MAN2A1: variants seen among roughly 807,000 people sequenced by gnomAD.
The protein encoded by MAN2A1 is mannosidase alpha class 2A member 1.
A neutral mutation model predicts 142.6 loss-of-function variants in MAN2A1; 76 were observed. That is an observed-to-expected ratio of 0.53 (90% CI 0.44 to 0.65). MAN2A1 has a LOEUF of 0.65. Ranked by LOEUF, MAN2A1 falls within the 30% of genes least tolerant of loss-of-function variation. The pLI is 0.00. For missense variants in MAN2A1, 1,311 were observed against 1,365.1 expected, an observed-to-expected ratio of 0.96 and a Z score of 0.62; for synonymous variants, 559 against 473.2, an observed-to-expected ratio of 1.18 and a Z score of -2.35.
chr5:109,738,350 G>C (rs1465859352), intron 4 of MAN2A1, among the ~76,000 whole-genome samples: 1 of 151,506 alleles, frequency 6.6e-6, no homozygotes, highest in Non-Finnish European at 1.5e-5. Flanking sequence ...CTGCAAGGTG[G>C]GCACTCCTAG....
At position 109,817,385 on chromosome 5, in the gene MAN2A1, C is replaced by T; in HGVS notation, c.2056C>T (p.Gln686Ter). ...FSASGKPVEV[Q>*]VSAVWDTANT... ...TGCTTCAGGAAAACCTGTGGAAGTTCAAGTCAGCGCAGTTTGGGATACAGC... is the reference window on the plus strand; with the variant it reads ...TGCTTCAGGAAAACCTGTGGAAGTTTAAGTCAGCGCAGTTTGGGATACAGC... Residue 686 changes from glutamine (Q) to a stop codon, truncating the protein, a stop_gained, in exon 13 of 22, where the codon CAA becomes TAA. Transcript: ENST00000261483. LOFTEE classifies it high-confidence loss of function. 6.2e-7 allele frequency: 1 copy of T among 1,614,040 alleles called. No individual in the cohort carries two copies. The highest frequency in any genetic ancestry group is 8.5e-7 in the Non-Finnish European group (1 of 1,179,992).
At chr5:109,844,875 C>G (rs1489139977) in intron 17 of MAN2A1, among the ~76,000 whole-genome samples, 1 of 152,192 alleles carries the variant, frequency 6.6e-6, no homozygotes, top group East Asian at 1.9e-4. Flanking sequence ...TCATCTATTT[C>G]TGCAGAGGCT....
chr5:109,833,334 G>A (rs1479708309), intron 16 of MAN2A1, among the ~76,000 whole-genome samples: 2 of 152,140 alleles, frequency 1.3e-5, no homozygotes, highest in Non-Finnish European at 2.9e-5. Flanking sequence ...GGAGGTGGAG[G>A]TTGTAGCGAG....
At chr5:109,757,860 G>A (rs1194087270) in intron 5 of MAN2A1, among the ~76,000 whole-genome samples, 2 of 152,088 alleles carry the variant, frequency 1.3e-5, no homozygotes, top group South Asian at 4.1e-4. Flanking sequence ...ATGTATTATA[G>A]CATATATCAG....
intron 19 of MAN2A1, among the ~76,000 whole-genome samples, chr5:109,852,045 A>C (rs1294454815): frequency 1.3e-5 from 2 of 151,868 alleles, no homozygotes; most frequent in Admixed American, 1.3e-4. Context: ...AGGGTGACAC[A>C]GATTTCCAGT....
intron 12 of MAN2A1, among the ~76,000 whole-genome samples, chr5:109,813,759 T>A (rs1412655987): frequency 6.6e-6 from 1 of 152,208 alleles, no homozygotes. Flanking sequence ...ATGAATTACT[T>A]CTATGAAAGG....
At chr5:109,791,842 C>G (rs1753746023) in intron 12 of MAN2A1, among the ~76,000 whole-genome samples, 1 of 151,738 alleles carries the variant, frequency 6.6e-6, no homozygotes, top group African/African-American at 2.4e-5. Flanking sequence ...TAACTTAAAC[C>G]CATAGAATAT....
At chr5:109,833,103 C>G (rs150101396) in intron 16 of MAN2A1, among the ~76,000 whole-genome samples, 25,830 of 150,056 alleles carry the variant, frequency 0.17, 3,117 homozygotes, top group East Asian at 0.64. Flanking sequence ...CCCCATATCT[C>G]AGACGATGGG....
intron 3 of MAN2A1, among the ~76,000 whole-genome samples, chr5:109,723,654 A>G (rs912323367): frequency 1.3e-5 from 2 of 152,182 alleles, no homozygotes; most frequent in Admixed American, 6.5e-5. Context: ...TCCTCCCTCC[A>G]AAGTTCTCTG....
intron 11 of MAN2A1, among the ~76,000 whole-genome samples, 155 bp downstream of exon 11, chr5:109,789,203 T>A (rs1012576601): frequency 1.3e-5 from 2 of 151,908 alleles, no homozygotes; most frequent in East Asian, 3.9e-4. Context: ...AAATTACCTG[T>A]ATGTTCATCT....
At chr5:109,712,115 C>G (rs1401736051) in intron 1 of MAN2A1, among the ~76,000 whole-genome samples, 5 of 147,090 alleles carry the variant, frequency 3.4e-5, no homozygotes, top group Admixed American at 2.0e-4. Context: ...TTTTTTAATT[C>G]CAAAATCTGT....
chr5:109,793,167 C>T (rs554556266), intron 12 of MAN2A1, among the ~76,000 whole-genome samples: 39 of 152,022 alleles, frequency 2.6e-4, no homozygotes, highest in South Asian at 6.2e-4. Context: ...CTTTCATGTA[C>T]GGAGTAACCT....
Position 109,762,307 on chromosome 5 carries a change from G to A in MAN2A1, c.836-5228G>A, listed in dbSNP as rs369069589. Among the ~76,000 whole-genome samples the A allele has an allele frequency of 1.3e-4, 20 of 152,172 alleles. No individual in the cohort carries two copies. The South Asian group carries it at 4.1e-3, about 32-fold the overall frequency. On this transcript the variant is annotated intron_variant, in intron 5 of 21. Transcript: ENST00000261483. The stretch of plus-strand genomic sequence containing the variant: ...TAAAGAGCAGGTTAAAATTTTTTAA[G>A]CTAAAAGGTATTTTGTGTTTCTTCA...
chr5:109,708,888 G>C (rs923373416), intron 1 of MAN2A1, among the ~76,000 whole-genome samples: 18 of 152,240 alleles, frequency 1.2e-4, no homozygotes, highest in Middle Eastern at 3.4e-3. Context: ...CCAGTTGATT[G>C]GATGGTGACT....
chr5:109,731,697 T>A (rs6878396), intron 4 of MAN2A1, among the ~76,000 whole-genome samples: 56,173 of 151,106 alleles, frequency 0.37, 11,140 homozygotes, highest in African/African-American at 0.53. Flanking sequence ...GAACTCATCC[T>A]TTTTTATGGC....
rs760630140 is a variant in MAN2A1 at position 109,855,157 on chromosome 5, G to C, written c.2994G>C (p.Ser998=). 12 of 1,540,966 alleles carry C rather than the reference G, an allele frequency of 7.8e-6. No homozygotes were observed. The East Asian group carries it at 3.0e-4, about 39-fold the overall frequency. The stretch of plus-strand genomic sequence containing the variant: ...CTTGATAGGAAGAAGAAAAGAAGTC[G>C]GTCAGTTATCCTTCTCTCCTTAGCC... ...SAVNTEEEKK[S]VSYPSLLSHI... Residue 998 remains serine (S), a synonymous_variant, in exon 20 of 22, where the codon TCG becomes TCC. Transcript: ENST00000261483.
At chr5:109,752,954 G>C (rs1434377751) in intron 4 of MAN2A1, among the ~76,000 whole-genome samples, 1 of 152,126 alleles carries the variant, frequency 6.6e-6, no homozygotes, top group African/African-American at 2.4e-5. Flanking sequence ...CTGTGGGACA[G>C]GAATTATGTT....
chr5:109,856,497 C>T (rs1207997768), intron 20 of MAN2A1, among the ~76,000 whole-genome samples: 1 of 152,124 alleles, frequency 6.6e-6, no homozygotes, highest in African/African-American at 2.4e-5. Context: ...TGTCTCTTAG[C>T]TAATTAGCAA....
At position 109,868,049 on chromosome 5, in the gene MAN2A1, GA is replaced by G. The variant is rs2112454975; in HGVS notation, c.*1055del. The G allele has an allele frequency of 6.6e-6, 1 of 152,192 alleles. No individual in the cohort carries two copies. The highest frequency in any genetic ancestry group is 1.9e-4 in the East Asian group (1 of 5,182). The allele number at this position is 152,192 out of a possible 1,614,324, so 9.4% of individuals were successfully genotyped here. A position where few individuals can be genotyped will look rare whatever the true frequency, so the allele number is the denominator to read the frequency against. ...ACTATTTGAATGTACTGAGATGTCA[GA>G]AAACAAAACAAGGAAGGAAAATATT... On this transcript the variant is annotated 3_prime_UTR_variant, in exon 22 of 22. Coordinates refer to ENST00000261483, the MANE Select transcript of MAN2A1 (RefSeq NM_002372.4).
Sources: allele counts gnomAD v4.1 joint callset (sites outside exome capture counted in the v4.1 genomes callset), GRCh38; gene constraint gnomAD v4.1.1; transcripts MANE v1.5; gene names NCBI Gene and HGNC (gene_info 2026-07-23, HGNC 2026-07-21).